Variants in LCE2A observed in about 807,000 individuals in gnomAD.
LCE2A encodes the protein late cornified envelope 2A.
For missense variants in LCE2A, 147 were observed against 137.6 expected (o/e 1.07, Z -0.34); for synonymous variants, 65 against 52.5 (o/e 1.24, Z -1.03).
At position 152,698,987 on chromosome 1, in the gene LCE2A, G is replaced by C. The variant is rs371565593; in HGVS notation, c.86G>C (p.Arg29Pro). ...KCPPKCPPKC[R>P]PQCPAPCPPP... ...CCACCCAAGTGTCCTCCAAAGTGCC[G>C]ACCTCAGTGCCCAGCCCCATGCCCA... Residue 29 changes from arginine (R) to proline (P), a missense_variant, in exon 2 of 2, where the codon CGA becomes CCA. By Grantham distance (103) the Arg-to-Pro change is moderately radical. Transcript: ENST00000368779. The C allele has an allele frequency of 1.3e-5, 21 of 1,613,952 alleles. No homozygotes were observed. Among genetic ancestry groups the C allele is most frequent in the Non-Finnish European group, 1.8e-5 (21 of 1,179,986 alleles).
In LCE2A at chr1:152,698,693, A is replaced by T. The variant is rs137885026; in HGVS notation, c.-20-189A>T. Among the ~76,000 whole-genome samples, 904 of 152,004 alleles carry T rather than the reference A, an allele frequency of 5.9e-3. 9 individuals are homozygous for T. The highest frequency in any genetic ancestry group is 0.021 in the African/African-American group (862 of 41,426). On this transcript the variant is annotated intron_variant, in intron 1 of 1. Coordinates refer to ENST00000368779, the MANE Select transcript of LCE2A (RefSeq NM_178428.4). ...AATAAGAAGCTTCTTATTATATCTGATTTTCAAGTATATATTTTCATTCAG... is the reference window on the plus strand; with the variant it reads ...AATAAGAAGCTTCTTATTATATCTGTTTTTCAAGTATATATTTTCATTCAG...
Position 152,698,961 on chromosome 1 carries a change from CCCACCCAAGTGT to C in LCE2A, c.63_74del (p.Pro25_Cys28del). ...CCCCTCCCAAGTGCCCCCCAAAATG[CCCACCCAAGTGT>C]CCTCCAAAGTGCCGACCTCAGTGCC... On this transcript the variant is annotated inframe_deletion, in exon 2 of 2. Transcript: ENST00000368779. 6.2e-7 allele frequency: 1 copy of C among 1,614,152 alleles called. No individual in the cohort carries two copies. The highest frequency in any genetic ancestry group is 8.5e-7 in the Non-Finnish European group (1 of 1,180,030).
At chr1:152,698,823 G>T in intron 1 of LCE2A, 59 bp from the exon 2 acceptor site, 1 of 1,469,988 alleles carries the variant, frequency 6.8e-7, no homozygotes, top group African/African-American at 1.4e-5. Flanking sequence ...TTTTAAAAGA[G>T]ATAAAATTGC....
chr1:152,699,067 T>G lies in LCE2A; in HGVS notation c.166T>G (p.Ser56Ala). The stretch of plus-strand genomic sequence containing the variant: ...CTCTGGGGGCTGCTGCGGCTCCAGC[T>G]CTGGGGGCTGCTGCAGCTCTGGGGG... Reference protein sequence around the residue: ...PSSGGCCGSSSGGCCSSGGGG... With the variant: ...PSSGGCCGSSAGGCCSSGGGG... Residue 56 changes from serine to alanine, a missense_variant, in exon 2 of 2, where the codon TCT becomes GCT. By Grantham distance (99) the Ser-to-Ala change is moderately conservative. Coordinates refer to ENST00000368779, the MANE Select transcript of LCE2A (RefSeq NM_178428.4). 1 of 1,613,740 alleles carries G rather than the reference T, an allele frequency of 6.2e-7. No individual in the cohort carries two copies. Among genetic ancestry groups the G allele is most frequent in the Non-Finnish European group, 8.5e-7 (1 of 1,179,892 alleles).
At position 152,699,288 on chromosome 1, in the gene LCE2A, G is replaced by C; in HGVS notation, c.*66G>C. The C allele has an allele frequency of 6.5e-7, 1 of 1,530,630 alleles. No homozygotes were observed. The highest frequency in any genetic ancestry group is 8.8e-7 in the Non-Finnish European group (1 of 1,136,470). 94.8% of individuals were successfully genotyped at this position (1,530,630 alleles called of 1,614,324 possible). A position where few individuals can be genotyped will look rare whatever the true frequency, so the allele number is the denominator to read the frequency against. On this transcript the variant is annotated 3_prime_UTR_variant, in exon 2 of 2. Coordinates refer to ENST00000368779, the MANE Select transcript of LCE2A (RefSeq NM_178428.4). The stretch of plus-strand genomic sequence containing the variant: ...TTGCAACCAGGACCTGTCCCAGAGT[G>C]ATGCTTCTCCTGCCCCTTTTTCTCC...
At chr1:152,698,549 G>A (rs1189734300) in intron 1 of LCE2A, among the ~76,000 whole-genome samples, 155 bp downstream of exon 1, 1 of 152,174 alleles carries the variant, frequency 6.6e-6, no homozygotes, top group Non-Finnish European at 1.5e-5. Context: ...TGTGAGAAAT[G>A]TGTATCTGAC....
In LCE2A at chr1:152,699,208, G is replaced by A; in HGVS notation, c.307G>A (p.Gly103Arg). 2 of 1,613,258 alleles carry A rather than the reference G, an allele frequency of 1.2e-6. No individual in the cohort carries two copies. Among genetic ancestry groups the A allele is most frequent in the Non-Finnish European group, 1.7e-6 (2 of 1,179,556 alleles). The change falls in exon 2 of 2, where the codon GGG (glycine) becomes AGG (arginine). Residue 103 changes from glycine (G) to arginine (R), a missense_variant. Coordinates refer to ENST00000368779, the MANE Select transcript of LCE2A (RefSeq NM_178428.4). The part of the protein sequence containing the change: ...SGGSGCCHSS[G>R]DCC ...GGGCTCTGGCTGCTGCCACAGCTCT[G>A]GGGACTGCTGCTGACCAGACCTCGA...
At position 152,698,920 on chromosome 1, in the gene LCE2A, C is replaced by A. The variant is rs2101523486; in HGVS notation, c.19C>A (p.Gln7Lys). The A allele has an allele frequency of 1.2e-6, 2 of 1,614,160 alleles. No individual in the cohort carries two copies. Among genetic ancestry groups the A allele is most frequent in the East Asian group, 2.2e-5 (1 of 44,872 alleles). The change falls in exon 2 of 2, where the codon CAG becomes AAG. Residue 7 changes from glutamine to lysine, a missense_variant. Coordinates refer to ENST00000368779, the MANE Select transcript of LCE2A (RefSeq NM_178428.4). Reference sequence around the variant, plus strand: ...CACTGAGATGTCCTGCCAGCAAAACCAGCAGCAGTGCCAGCCCCCTCCCAA... The same window carrying A: ...CACTGAGATGTCCTGCCAGCAAAACAAGCAGCAGTGCCAGCCCCCTCCCAA... MSCQQN[Q>K]QQCQPPPKCP...
chr1:152,698,959 T>C lies in LCE2A; in HGVS notation c.58T>C (p.Cys20Arg). The C allele has an allele frequency of 6.2e-7, 1 of 1,614,060 alleles. No homozygotes were observed. The highest frequency in any genetic ancestry group is 8.5e-7 in the Non-Finnish European group (1 of 1,179,990). ...CQPPPKCPPKCPPKCPPKCRP... is the reference protein window; with the variant it reads ...CQPPPKCPPKRPPKCPPKCRP... ...GCCCCCTCCCAAGTGCCCCCCAAAATGCCCACCCAAGTGTCCTCCAAAGTG... is the reference window on the plus strand; with the variant it reads ...GCCCCCTCCCAAGTGCCCCCCAAAACGCCCACCCAAGTGTCCTCCAAAGTG... The change falls in exon 2 of 2, where the codon TGC (cysteine) becomes CGC (arginine). Residue 20 changes from cysteine to arginine, a missense_variant. Coordinates refer to ENST00000368779, the MANE Select transcript of LCE2A (RefSeq NM_178428.4).
At position 152,699,413 on chromosome 1, in the gene LCE2A, A is replaced by G; in HGVS notation, c.*191A>G. On this transcript the variant is annotated 3_prime_UTR_variant, in exon 2 of 2. Coordinates refer to ENST00000368779, the MANE Select transcript of LCE2A (RefSeq NM_178428.4). ...CTTACCTTCCCACTTTACCTCATAC[A>G]ACAATAAAGCTCTTTTGCCTCTTCG... The G allele has an allele frequency of 5.9e-6, 4 of 683,584 alleles. No individual in the cohort carries two copies. The highest frequency in any genetic ancestry group is 9.9e-6 in the Non-Finnish European group (4 of 404,006). 42.3% of individuals were successfully genotyped at this position (683,584 alleles called of 1,614,324 possible).
Position 152,698,368 on chromosome 1 carries a change from G to A in LCE2A, c.-47G>A, listed in dbSNP as rs967002792. The A allele has an allele frequency of 1.2e-4, 19 of 158,966 alleles. No homozygotes were observed. The highest frequency in any genetic ancestry group is 3.0e-3 in the Middle Eastern group (1 of 328). 9.8% of individuals were successfully genotyped at this position (158,966 alleles called of 1,614,324 possible). A position where few individuals can be genotyped will look rare whatever the true frequency, so the allele number is the denominator to read the frequency against. ...TCATCTGCTCTGACTTCCCCAGGAC[G>A]TGTCTGTGCTCCTGTGTGTGACCAG... On this transcript the variant is annotated 5_prime_UTR_variant, in exon 1 of 2. In the 5' UTR this introduces an upstream ATG that the reference lacks. Transcript: ENST00000368779.
Position 152,699,324 on chromosome 1 carries a change from C to T in LCE2A, c.*102C>T, listed in dbSNP as rs1649517838. The T allele has an allele frequency of 7.1e-6, 10 of 1,409,970 alleles. No individual in the cohort carries two copies. The highest frequency in any genetic ancestry group is 9.6e-6 in the Non-Finnish European group (10 of 1,038,966). The allele number at this position is 1,409,970 out of a possible 1,614,324, so 87.3% of individuals were successfully genotyped here. On this transcript the variant is annotated 3_prime_UTR_variant, in exon 2 of 2. Transcript: ENST00000368779. ...TGCCCCTTTTTCTCCTTTCCTTGGGCTGACACACCTTGTGAGGTGTTTTGT... is the reference window on the plus strand; with the variant it reads ...TGCCCCTTTTTCTCCTTTCCTTGGGTTGACACACCTTGTGAGGTGTTTTGT...
rs1360657593 is a variant in LCE2A, at chr1:152,699,038, C to T, written c.137C>T (p.Pro46Leu). 1 of 1,613,582 alleles carries T rather than the reference C, an allele frequency of 6.2e-7. No homozygotes were observed. Among genetic ancestry groups the T allele is most frequent in the Non-Finnish European group, 8.5e-7 (1 of 1,179,916 alleles). The change falls in exon 2 of 2, where the codon CCC becomes CTC. Residue 46 changes from proline to leucine, a missense_variant. Coordinates refer to ENST00000368779, the MANE Select transcript of LCE2A (RefSeq NM_178428.4). The part of the protein sequence containing the change: ...CPPPVSSCCG[P>L]SSGGCCGSSS... ...CCTCCAGTCTCTTCCTGCTGTGGTCCCAGCTCTGGGGGCTGCTGCGGCTCC... is the reference window on the plus strand; with the variant it reads ...CCTCCAGTCTCTTCCTGCTGTGGTCTCAGCTCTGGGGGCTGCTGCGGCTCC...
At position 152,699,157 on chromosome 1, in the gene LCE2A, G is replaced by A. The variant is rs144281847; in HGVS notation, c.256G>A (p.Asp86Asn). The change falls in exon 2 of 2, where the codon GAT becomes AAT. Residue 86 changes from aspartate (D) to asparagine (N), a missense_variant. Coordinates refer to ENST00000368779, the MANE Select transcript of LCE2A (RefSeq NM_178428.4). ...CCACCGGCACCGGCACCAGAGCCCC[G>A]ATTGTTGTGAGTGTGAACCTTCTGG... ...LFHRHRHQSP[D>N]CCECEPSGGS... 7.3e-5 allele frequency: 118 copies of A among 1,613,818 alleles called. No individual in the cohort carries two copies. Among genetic ancestry groups the A allele is most frequent in the African/African-American group, 3.2e-4 (24 of 74,876 alleles).
In LCE2A at chr1:152,699,324, C is replaced by CTGACA. The variant is rs1277631988; in HGVS notation, c.*103_*107dup. ...TGCCCCTTTTTCTCCTTTCCTTGGG[C>CTGACA]TGACACACCTTGTGAGGTGTTTTGT... On this transcript the variant is annotated 3_prime_UTR_variant, in exon 2 of 2. Coordinates refer to ENST00000368779, the MANE Select transcript of LCE2A (RefSeq NM_178428.4). 7.8e-6 allele frequency: 11 copies of CTGACA among 1,409,854 alleles called. No homozygotes were observed. The Admixed American group carries it at 2.3e-4, about 30-fold the overall frequency. 87.3% of individuals were successfully genotyped at this position (1,409,854 alleles called of 1,614,324 possible).
Position 152,699,275 on chromosome 1 carries a change from C to G in LCE2A, c.*53C>G. The G allele has an allele frequency of 6.4e-7, 1 of 1,566,184 alleles. No homozygotes were observed. The highest frequency in any genetic ancestry group is 8.7e-7 in the Non-Finnish European group (1 of 1,154,384). On this transcript the variant is annotated 3_prime_UTR_variant, in exon 2 of 2. Coordinates refer to ENST00000368779, the MANE Select transcript of LCE2A (RefSeq NM_178428.4). ...CTTATGGAGAAACTTGCAACCAGGA[C>G]CTGTCCCAGAGTGATGCTTCTCCTG...
In LCE2A at chr1:152,698,982, G is replaced by C. The variant is rs368594795; in HGVS notation, c.81G>C (p.Lys27Asn). 6.2e-7 allele frequency: 1 copy of C among 1,613,932 alleles called. No individual in the cohort carries two copies. The highest frequency in any genetic ancestry group is 1.3e-5 in the African/African-American group (1 of 74,862). Residue 27 changes from lysine to asparagine, a missense_variant, in exon 2 of 2, where the codon AAG becomes AAC. Physicochemically the swap from Lys to Asn is moderately conservative, Grantham distance 94. Coordinates refer to ENST00000368779, the MANE Select transcript of LCE2A (RefSeq NM_178428.4). ...AATGCCCACCCAAGTGTCCTCCAAAGTGCCGACCTCAGTGCCCAGCCCCAT... is the reference window on the plus strand; with the variant it reads ...AATGCCCACCCAAGTGTCCTCCAAACTGCCGACCTCAGTGCCCAGCCCCAT... The part of the protein sequence containing the change: ...PPKCPPKCPP[K>N]CRPQCPAPCP...
chr1:152,699,315 T>C lies in LCE2A; in HGVS notation c.*93T>C, dbSNP rs541256672. ...TGCTTCTCCTGCCCCTTTTTCTCCT[T>C]TCCTTGGGCTGACACACCTTGTGAG... is the stretch of plus-strand genomic sequence containing the variant. On this transcript the variant is annotated 3_prime_UTR_variant, in exon 2 of 2. Coordinates refer to ENST00000368779, the MANE Select transcript of LCE2A (RefSeq NM_178428.4). The C allele has an allele frequency of 4.1e-6, 6 of 1,460,204 alleles. No individual in the cohort carries two copies. Among genetic ancestry groups the C allele is most frequent in the Non-Finnish European group, 5.5e-6 (6 of 1,081,814 alleles). 90.5% of individuals were successfully genotyped at this position (1,460,204 alleles called of 1,614,324 possible).
Position 152,699,092 on chromosome 1 carries a change from G to T in LCE2A, c.191G>T (p.Gly64Val). The T allele has an allele frequency of 6.2e-7, 1 of 1,613,904 alleles. No individual in the cohort carries two copies. Among genetic ancestry groups the T allele is most frequent in the Non-Finnish European group, 8.5e-7 (1 of 1,179,946 alleles). Residue 64 changes from glycine (G) to valine (V), a missense_variant, in exon 2 of 2, where the codon GGT (glycine) becomes GTT (valine). Coordinates refer to ENST00000368779, the MANE Select transcript of LCE2A (RefSeq NM_178428.4). ...TCTGGGGGCTGCTGCAGCTCTGGGG[G>T]TGGCGGCTGCTGCCTGAGCCACCAC... The part of the protein sequence containing the change: ...SSSGGCCSSG[G>V]GGCCLSHHRP...
Sources: gnomAD v4.1 joint callset for allele counts (sites outside exome capture counted in the v4.1 genomes callset) on GRCh38, gnomAD v4.1.1 for gene constraint, MANE v1.5 for transcripts, NCBI Gene and HGNC (gene_info 2026-07-23, HGNC 2026-07-21) for gene names.